PRRX1: variants seen among roughly 807,000 people sequenced by gnomAD.
PRRX1 encodes paired mesoderm homeobox protein 1.
In PRRX1, 8 loss-of-function variants were observed where a neutral mutation model predicts 24.0. The ratio of observed to expected loss-of-function variants is 0.33; its 90% confidence interval spans 0.20 to 0.60. The LOEUF (loss-of-function observed/expected upper bound fraction) is 0.60. Among genes scored for constraint, PRRX1 ranks in the 20% least tolerant of loss-of-function variants. PRRX1 has a pLI of 0.82. For synonymous variants in PRRX1, 160 were observed against 131.7 expected (o/e 1.22, Z -1.47); for missense variants, 281 against 322.4 (o/e 0.87, Z 0.98).
chr1:170,715,457 A>G (rs925732577), intron 1 of PRRX1, among the ~76,000 whole-genome samples: 5 of 152,174 alleles, frequency 3.3e-5, no homozygotes, highest in Non-Finnish European at 5.9e-5. Flanking sequence ...AGTATTTGAT[A>G]ATATACTAAT....
intron 2 of PRRX1, among the ~76,000 whole-genome samples, chr1:170,723,222 A>G (rs567309984): frequency 2.3e-4 from 35 of 152,284 alleles, no homozygotes; most frequent in African/African-American, 8.4e-4. Flanking sequence ...ACCTTGGCCA[A>G]TTTCCACCCA....
intron 1 of PRRX1, among the ~76,000 whole-genome samples, chr1:170,686,295 A>C (rs1275397075): frequency 6.6e-6 from 1 of 152,118 alleles, no homozygotes; most frequent in Non-Finnish European, 1.5e-5. Context: ...CTAAAAACCT[A>C]AGAGGGCAAG....
intron 1 of PRRX1, among the ~76,000 whole-genome samples, chr1:170,710,254 G>A (rs1001607266): frequency 1.3e-5 from 2 of 152,108 alleles, no homozygotes; most frequent in Non-Finnish European, 2.9e-5. Flanking sequence ...CATGCTAAAT[G>A]AGCAATTATT....
At chr1:170,694,919 T>A (rs1021232118) in intron 1 of PRRX1, among the ~76,000 whole-genome samples, 1 of 152,168 alleles carries the variant, frequency 6.6e-6, no homozygotes. Context: ...AAGGCATCAA[T>A]GCTTCTAATA....
At chr1:170,684,999 C>T (rs1653682924) in intron 1 of PRRX1, among the ~76,000 whole-genome samples, 1 of 152,154 alleles carries the variant, frequency 6.6e-6, no homozygotes, top group Non-Finnish European at 1.5e-5. Flanking sequence ...AACTAGACTT[C>T]ATGTAAACTG....
chr1:170,699,824 C>A (rs1351103645), intron 1 of PRRX1, among the ~76,000 whole-genome samples: 1 of 152,106 alleles, frequency 6.6e-6, no homozygotes, highest in Non-Finnish European at 1.5e-5. Context: ...CAACCTCCCC[C>A]TCCTGGGTTC....
rs550803866 is a variant in PRRX1, at chr1:170,716,459, C to T, written c.242-3267C>T. 2.0e-5 allele frequency among the ~76,000 whole-genome samples: 3 copies of T among 152,132 alleles called. No individual in the cohort carries two copies. In the South Asian group the frequency reaches 6.2e-4, roughly 32 times the overall value. ...ATTAGCTGGGCGTGGTGGCAGGTGCCTGTAGTCCCAGCTACTCGGGAGGCT... is the reference window on the plus strand; with the variant it reads ...ATTAGCTGGGCGTGGTGGCAGGTGCTTGTAGTCCCAGCTACTCGGGAGGCT... On this transcript the variant is annotated intron_variant, in intron 1 of 3. Transcript: ENST00000239461.
rs558167478 is a variant in PRRX1, at chr1:170,695,122, G to A, written c.242-24604G>A. The stretch of plus-strand genomic sequence containing the variant: ...TGAAGGCCTGATTTGCAAGATATCC[G>A]ATGTTGTTATGATTAAATGCAACAA... On this transcript the variant is annotated intron_variant, in intron 1 of 3. Coordinates refer to ENST00000239461, the MANE Select transcript of PRRX1 (RefSeq NM_022716.4). Among the ~76,000 whole-genome samples the A allele has an allele frequency of 9.9e-5, 15 of 152,230 alleles. No individual in the cohort carries two copies. In the South Asian group the frequency reaches 1.2e-3, roughly 13 times the overall value.
At chr1:170,662,850 AT>A (rs1652770541), upstream of PRRX1, 1 of 151,954 alleles carries the variant, frequency 6.6e-6, no homozygotes. Context: ...TGCAAATGAG[AT>A]TTTCCAACAG....
intron 1 of PRRX1, among the ~76,000 whole-genome samples, chr1:170,678,834 T>G (rs373345406): frequency 1.1e-4 from 16 of 152,368 alleles, no homozygotes; most frequent in East Asian, 5.8e-4. Context: ...GTCCTTATAC[T>G]CTAATCCTGC....
intron 1 of PRRX1, among the ~76,000 whole-genome samples, chr1:170,681,835 T>C (rs895180679): frequency 6.6e-6 from 1 of 152,238 alleles, no homozygotes; most frequent in Non-Finnish European, 1.5e-5. Flanking sequence ...TTGCATCACC[T>C]AATATTGAAT....
chr1:170,732,678 G>C (rs949595109), intron 3 of PRRX1, among the ~76,000 whole-genome samples: 3 of 152,170 alleles, frequency 2.0e-5, no homozygotes, highest in Non-Finnish European at 2.9e-5. Context: ...TTGTTAAGAG[G>C]CTGTGAAATA....
chr1:170,707,212 C>T (rs1168431904), intron 1 of PRRX1, among the ~76,000 whole-genome samples: 1 of 152,052 alleles, frequency 6.6e-6, no homozygotes, highest in Admixed American at 6.6e-5. Flanking sequence ...AAGAAGCTTT[C>T]TCCTCAAACT....
At chr1:170,733,493 G>T (rs1314389048) in intron 3 of PRRX1, among the ~76,000 whole-genome samples, 1 of 152,046 alleles carries the variant, frequency 6.6e-6, no homozygotes, top group African/African-American at 2.4e-5. Flanking sequence ...TCTACAATTT[G>T]GGATGAGAAA....
chr1:170,726,417 A>C lies in PRRX1; in HGVS notation c.599+16A>C. The C allele has an allele frequency of 1.9e-6, 3 of 1,610,892 alleles. No homozygotes were observed. The highest frequency in any genetic ancestry group is 2.5e-6 in the Non-Finnish European group (3 of 1,177,632). ...CTCCGTACAGGTGAATGACTGGCCC[A>C]CTCTCCCTTGCTCCACTTCCACATG... is the stretch of plus-strand genomic sequence containing the variant. On this transcript the variant is annotated intron_variant, in intron 3 of 3. Transcript: ENST00000239461.
intron 1 of PRRX1, among the ~76,000 whole-genome samples, chr1:170,694,106 C>T (rs551891679): frequency 2.1e-4 from 32 of 152,192 alleles, no homozygotes; most frequent in African/African-American, 6.7e-4. Context: ...TGAGTCCAAA[C>T]CCCAGGTGCA....
chr1:170,681,546 G>A (rs1653509010), intron 1 of PRRX1, among the ~76,000 whole-genome samples: 1 of 151,060 alleles, frequency 6.6e-6, no homozygotes, highest in Non-Finnish European at 1.5e-5. Flanking sequence ...CAGATAAGCA[G>A]CAAATCTGAA....
intron 1 of PRRX1, among the ~76,000 whole-genome samples, chr1:170,711,261 G>T (rs1411693470): frequency 6.6e-6 from 1 of 152,140 alleles, no homozygotes; most frequent in African/African-American, 2.4e-5. Context: ...TAGTGTTACA[G>T]AATTACCTTT....
At chr1:170,710,664 C>A (rs1297994283) in intron 1 of PRRX1, among the ~76,000 whole-genome samples, 1 of 152,082 alleles carries the variant, frequency 6.6e-6, no homozygotes, top group Non-Finnish European at 1.5e-5. Context: ...GGAAGTAAGA[C>A]CTTTGAAAGG....
Sources: allele counts gnomAD v4.1 joint callset (sites outside exome capture counted in the v4.1 genomes callset), GRCh38; gene constraint gnomAD v4.1.1; transcripts MANE v1.5; gene names NCBI Gene and HGNC (gene_info 2026-07-23, HGNC 2026-07-21).